Variants in NLGN4X observed in about 807,000 individuals in gnomAD.
NLGN4X encodes neuroligin-4, X-linked.
Under a neutral mutation model 40.3 loss-of-function variants are expected in NLGN4X, and 3 were observed. That is an observed-to-expected ratio of 0.07 (90% confidence interval 0.03 to 0.19). The LOEUF is 0.19. Ranked by LOEUF, NLGN4X falls within the 10% of genes least tolerant of loss-of-function variation. The probability of loss-of-function intolerance (pLI) is 1.00; values close to 1 mark genes in which losing one functional copy is unlikely to be tolerated. For missense variants in NLGN4X, 382 were observed against 708.3 expected (o/e 0.54, Z 5.23); for synonymous variants, 270 against 306.8 (o/e 0.88, Z 1.25).
At chrX:6,069,215 G>A (rs1311340523) in intron 2 of NLGN4X, among the ~76,000 whole-genome samples, 2 of 109,551 alleles carry the variant, frequency 1.8e-5, no homozygotes, top group African/African-American at 3.3e-5. Flanking sequence ...TTGAACCTCG[G>A]GGGTGGAGCT....
chrX:5,938,785 G>A (rs1249894663), intron 3 of NLGN4X, among the ~76,000 whole-genome samples: 1 of 111,266 alleles, frequency 9.0e-6, no homozygotes, highest in Middle Eastern at 4.2e-3. Context: ...CAAGGAGAAG[G>A]GAAAACTTAA....
At chrX:5,959,692 C>T (rs968921399) in intron 3 of NLGN4X, among the ~76,000 whole-genome samples, 3 of 111,843 alleles carry the variant, frequency 2.7e-5, no homozygotes, top group African/African-American at 6.5e-5. Flanking sequence ...AGATACATAC[C>T]GTGCATTTGA....
intron 3 of NLGN4X, among the ~76,000 whole-genome samples, chrX:5,959,380 T>C (rs946435351): frequency 2.4e-4 from 27 of 112,026 alleles, no homozygotes; most frequent in African/African-American, 8.7e-4. Flanking sequence ...AGCCAATTTG[T>C]ATGTTTTGAA....
intron 1 of NLGN4X, among the ~76,000 whole-genome samples, chrX:6,152,190 G>A (rs1036076897): frequency 9.0e-6 from 1 of 111,022 alleles, no homozygotes; most frequent in East Asian, 2.9e-4. Context: ...CCTACCCCTC[G>A]ACCTTTCAAA....
chrX:6,185,000 C>G (rs1234201408), intron 1 of NLGN4X, among the ~76,000 whole-genome samples: 1 of 112,502 alleles, frequency 8.9e-6, no homozygotes, highest in East Asian at 2.8e-4. Flanking sequence ...GACCTTACGG[C>G]TACTGGTTTC....
chrX:6,024,892 G>A (rs1198737039), intron 3 of NLGN4X, among the ~76,000 whole-genome samples: 2 of 111,501 alleles, frequency 1.8e-5, no homozygotes, highest in South Asian at 3.8e-4. Flanking sequence ...AGCAGCCCTC[G>A]GGCTGCTCTG....
chrX:6,148,827 C>T (rs897004925), intron 2 of NLGN4X, among the ~76,000 whole-genome samples: 2 of 111,662 alleles, frequency 1.8e-5, no homozygotes, highest in East Asian at 2.8e-4. Flanking sequence ...ACTGGTTCTT[C>T]GTTGATAGAG....
rs1289589385 is a variant in NLGN4X at position 5,971,408 on chromosome X, C to A, written c.625+57872G>T. Among the ~76,000 whole-genome samples the A allele has an allele frequency of 3.6e-5, 4 of 110,945 alleles. 1 individual carries two copies. The East Asian group carries it at 8.6e-4, about 24-fold the overall frequency. On this transcript the variant is annotated intron_variant, in intron 3 of 5. Transcript: ENST00000381095. ...AGTCTCAGTGAAAGCCACAATGATG[C>A]ATTTGCAATACTTTTCCCTTCTTAT...
In NLGN4X at chrX:6,018,266, C is replaced by T. The variant is rs1469387715; in HGVS notation, c.625+11014G>A. On this transcript the variant is annotated intron_variant, in intron 3 of 5. Transcript: ENST00000381095. The stretch of plus-strand genomic sequence containing the variant: ...TATATGTGTATATATATGTTTACCA[C>T]CAAGTATCTAAGACCAACTGGGACA... 2.7e-5 allele frequency among the ~76,000 whole-genome samples: 3 copies of T among 111,447 alleles called. No individual in the cohort carries two copies. In the South Asian group the frequency reaches 1.1e-3, roughly 42 times the overall value.
At chrX:6,166,289 T>A (rs1464904524) in intron 1 of NLGN4X, among the ~76,000 whole-genome samples, 1 of 110,866 alleles carries the variant, frequency 9.0e-6, no homozygotes, top group East Asian at 2.8e-4. Flanking sequence ...AGAAACAGAG[T>A]CTCACTTTGT....
At chrX:6,194,443 G>T (rs1922866218) in intron 1 of NLGN4X, among the ~76,000 whole-genome samples, 1 of 111,351 alleles carries the variant, frequency 9.0e-6, no homozygotes, top group Admixed American at 9.6e-5. Context: ...ATATCTAACA[G>T]AGTACCACGT....
At chrX:6,138,746 G>T (rs369474331) in intron 2 of NLGN4X, among the ~76,000 whole-genome samples, 57 of 110,180 alleles carry the variant, frequency 5.2e-4, no homozygotes, top group African/African-American at 1.8e-3. Context: ...ACTGTATGGT[G>T]AAAGAGTTTT....
intron 1 of NLGN4X, among the ~76,000 whole-genome samples, chrX:6,215,591 CT>C (rs1229640652): frequency 8.2e-5 from 9 of 110,306 alleles, no homozygotes; most frequent in African/African-American, 2.6e-4. Flanking sequence ...CTGAAACTCT[CT>C]GTGACTCAAT....
At position 6,151,013 on chromosome X, in the gene NLGN4X, A is replaced by G. The variant is rs1224437772; in HGVS notation, c.454T>C (p.Tyr152His). 8.3e-7 allele frequency: 1 copy of G among 1,209,144 alleles called. No homozygotes were observed. Among genetic ancestry groups the G allele is most frequent in the Non-Finnish European group, 1.1e-6 (1 of 893,875 alleles). ...QNEDCLYLNIYVPTEDDIHDQ... is the reference protein window; with the variant it reads ...QNEDCLYLNIHVPTEDDIHDQ... ...TACTCACCATCTTCCGTGGGCACGT[A>G]GATGTTTAAGTAAAGGCAGTCTTCA... is the stretch of plus-strand genomic sequence containing the variant. Residue 152 changes from tyrosine (Y) to histidine (H), a missense_variant, in exon 2 of 6, where the codon TAC (tyrosine) becomes CAC (histidine). Coordinates refer to ENST00000381095, the MANE Select transcript of NLGN4X (RefSeq NM_181332.3).
intron 3 of NLGN4X, among the ~76,000 whole-genome samples, chrX:5,914,800 C>A (rs1157914071): frequency 9.0e-6 from 1 of 111,089 alleles, no homozygotes; most frequent in Non-Finnish European, 1.9e-5. Context: ...CAAATGAGGT[C>A]AAAAAGAAAT....
At chrX:6,032,872 C>T in intron 2 of NLGN4X, 1 of 383,787 alleles carries the variant, frequency 2.6e-6, no homozygotes. Context: ...AAGAATGTAA[C>T]ACAAAAAGTT....
Position 5,893,213 on chromosome X carries a change from G to C in NLGN4X, c.2055C>G (p.Leu685=). 3 of 1,211,443 alleles carry C rather than the reference G, an allele frequency of 2.5e-6. No individual in the cohort carries two copies. Among genetic ancestry groups the C allele is most frequent in the Non-Finnish European group, 3.4e-6 (3 of 895,408 alleles). The stretch of plus-strand genomic sequence containing the variant: ...CAAAAGCTAAGATGTTGAGGAAGAG[G>C]AGCGACGCCCCGACGGCAATGGTGA... ...LSVTIAVGAS[L]LFLNILAFAA... The change falls in exon 6 of 6, where the codon CTC becomes CTG. Residue 685 remains leucine, a synonymous_variant. Coordinates refer to ENST00000381095, the MANE Select transcript of NLGN4X (RefSeq NM_181332.3).
intron 3 of NLGN4X, among the ~76,000 whole-genome samples, chrX:5,975,242 G>A (rs2035139182): frequency 8.9e-6 from 1 of 111,895 alleles, no homozygotes; most frequent in Non-Finnish European, 1.9e-5. Flanking sequence ...TTGTAGAATC[G>A]AAGTTATGCA....
intron 3 of NLGN4X, among the ~76,000 whole-genome samples, chrX:5,952,258 T>G (rs2034336334): frequency 8.9e-6 from 1 of 111,788 alleles, no homozygotes; most frequent in Non-Finnish European, 1.9e-5. Flanking sequence ...AACAAAAACA[T>G]GCAGCCACAT....
Sources: allele counts gnomAD v4.1 joint callset (sites outside exome capture counted in the v4.1 genomes callset), GRCh38; gene constraint gnomAD v4.1.1; transcripts MANE v1.5; gene names NCBI Gene and HGNC (gene_info 2026-07-23, HGNC 2026-07-21).